EFCAB6: variants seen among roughly 807,000 people sequenced by gnomAD.
EFCAB6 encodes the protein EF-hand calcium-binding domain-containing protein 6.
A neutral mutation model predicts 169.8 loss-of-function variants in EFCAB6; 156 were observed. The ratio of observed to expected loss-of-function variants is 0.92; its 90% CI spans 0.81 to 1.05. The LOEUF (loss-of-function observed/expected upper bound fraction) is 1.05. Ranked by LOEUF, EFCAB6 falls within the 50% of genes least tolerant of loss-of-function variation. EFCAB6 has a pLI of 0.00. For missense variants in EFCAB6, 1,800 were observed against 1,829.1 expected (o/e 0.98, Z 0.29); for synonymous variants, 698 against 676.4 (o/e 1.03, Z -0.50).
Position 43,537,540 on chromosome 22 carries a change from T to A in EFCAB6, c.3885A>T (p.Pro1295=). ...GSKSQSHPCT[P]ASTTVIPGTP... is the part of the protein sequence containing the mutation. ...TGCCCGGGATCACGGTGGTGCTCGC[T>A]GGAGTCTAGCAGGGAAGAAAAGAAA... The change falls in exon 29 of 32, where the codon CCA becomes CCT. Residue 1295 remains proline (P), a synonymous_variant. Coordinates refer to ENST00000262726, the MANE Select transcript of EFCAB6 (RefSeq NM_022785.4). This position sits in a 1 kb window ranked among gnomAD's most constrained non-coding sequence, Gnocchi z 4.3. 1.2e-6 allele frequency: 2 copies of A among 1,613,048 alleles called. No homozygotes were observed. The highest frequency in any genetic ancestry group is 1.7e-6 in the Non-Finnish European group (2 of 1,179,356).
At position 43,795,393 on chromosome 22, in the gene EFCAB6, G is replaced by A. The variant is rs1046348629; in HGVS notation, c.-7-13068C>T. On this transcript the variant is annotated intron_variant, in intron 2 of 31. Coordinates refer to ENST00000262726, the MANE Select transcript of EFCAB6 (RefSeq NM_022785.4). The surrounding 1 kb of genome is among the most constrained non-coding windows in gnomAD (Gnocchi z 4.2). Reference sequence around the variant, plus strand: ...TTATGTTAAATGTTCTTTAATAACCGTGTCATGGCATGTTCTAGACATCAT... The same window carrying A: ...TTATGTTAAATGTTCTTTAATAACCATGTCATGGCATGTTCTAGACATCAT... Among the ~76,000 whole-genome samples, 1 of 152,104 alleles carries A rather than the reference G, an allele frequency of 6.6e-6. No homozygotes were observed. Among genetic ancestry groups the A allele is most frequent in the Non-Finnish European group, 1.5e-5 (1 of 68,004 alleles).
chr22:43,530,289 AT>A (rs2046981491), intron 31 of EFCAB6, among the ~76,000 whole-genome samples: 1 of 152,254 alleles, frequency 6.6e-6, no homozygotes, highest in African/African-American at 2.4e-5. Context: ...AGGAACGTGA[AT>A]GTGGATTGGA....
chr22:43,693,995 A>G (rs2058490861), intron 10 of EFCAB6, among the ~76,000 whole-genome samples: 1 of 152,026 alleles, frequency 6.6e-6, no homozygotes, highest in Non-Finnish European at 1.5e-5. Flanking sequence ...GAAGAGAAAA[A>G]TACTATCTGA....
At chr22:43,790,766 T>C (rs959847163) in intron 2 of EFCAB6, among the ~76,000 whole-genome samples, 1 of 152,192 alleles carries the variant, frequency 6.6e-6, no homozygotes, top group Non-Finnish European at 1.5e-5. Context: ...AGGGAGGAAA[T>C]GAAGACAGAA....
intron 4 of EFCAB6, among the ~76,000 whole-genome samples, chr22:43,770,294 C>T (rs772995041): frequency 6.6e-6 from 1 of 152,300 alleles, no homozygotes; most frequent in South Asian, 2.1e-4. Flanking sequence ...AACCACCACA[C>T]CTGACCTACT....
chr22:43,730,697 T>C (rs546470928), intron 8 of EFCAB6, among the ~76,000 whole-genome samples: 1 of 152,316 alleles, frequency 6.6e-6, no homozygotes, highest in East Asian at 1.9e-4. Flanking sequence ...CTTGGTTCGA[T>C]TGTTTACTTC....
intron 27 of EFCAB6, among the ~76,000 whole-genome samples, chr22:43,547,135 A>G (rs1199957365): frequency 1.3e-5 from 2 of 152,212 alleles, no homozygotes; most frequent in African/African-American, 4.8e-5. Flanking sequence ...AGATAGATCT[A>G]AAACAACAAA....
intron 12 of EFCAB6, among the ~76,000 whole-genome samples, chr22:43,680,599 T>C (rs1391214485): frequency 6.6e-6 from 1 of 152,260 alleles, no homozygotes; most frequent in Non-Finnish European, 1.5e-5. Context: ...GAATGTATTT[T>C]ATTTACATAT....
chr22:43,680,104 T>A (rs2057943506), intron 12 of EFCAB6, among the ~76,000 whole-genome samples: 1 of 152,184 alleles, frequency 6.6e-6, no homozygotes, highest in Non-Finnish European at 1.5e-5. Context: ...GTTTTATGAG[T>A]TTAGCTTTTA....
At chr22:43,800,964 T>C (rs1042270424) in intron 2 of EFCAB6, among the ~76,000 whole-genome samples, 9 of 151,952 alleles carry the variant, frequency 5.9e-5, no homozygotes, top group East Asian at 3.8e-4. Context: ...GAGAAAGATA[T>C]AAATATCCAG....
At chr22:43,567,142 A>ATCCTCCTCGTCCTCCCCCTCC (rs1602307039) in intron 26 of EFCAB6, among the ~76,000 whole-genome samples, 1 of 142,546 alleles carries the variant, frequency 7.0e-6, no homozygotes, top group East Asian at 2.0e-4. Context: ...CCTCCTCATC[A>ATCCTCCTCGTCCTCCCCCTCC]TCCTCCTCGT....
intron 23 of EFCAB6, among the ~76,000 whole-genome samples, chr22:43,598,034 G>A (rs2147492319): frequency 6.6e-6 from 1 of 152,250 alleles, no homozygotes; most frequent in Non-Finnish European, 1.5e-5. Context: ...GATCTCAGCT[G>A]GGCGCAGTGG....
intron 6 of EFCAB6, among the ~76,000 whole-genome samples, chr22:43,737,363 C>T (rs185218105): frequency 2.4e-4 from 37 of 151,580 alleles, no homozygotes; most frequent in African/African-American, 4.1e-4. Context: ...TGTACTCATA[C>T]GCACTCACAC....
chr22:43,566,031 A>T (rs758212520), intron 26 of EFCAB6, among the ~76,000 whole-genome samples: 1 of 152,114 alleles, frequency 6.6e-6, no homozygotes, highest in Non-Finnish European at 1.5e-5. Flanking sequence ...AAAAAGATAA[A>T]ACATTAAAAA....
intron 21 of EFCAB6, 94 bp downstream of exon 21, chr22:43,615,732 T>C: frequency 9.3e-7 from 1 of 1,079,990 alleles, no homozygotes; most frequent in South Asian, 1.5e-5. Flanking sequence ...TTTTCCCATC[T>C]TAGCGTCTGG....
chr22:43,553,134 T>C (rs2048479120), intron 27 of EFCAB6: 1 of 152,110 alleles, frequency 6.6e-6, no homozygotes, highest in Admixed American at 6.5e-5. Flanking sequence ...ACTGCGATGA[T>C]CACGCTTCCC....
At chr22:43,746,770 TA>T (rs1337603909) in intron 6 of EFCAB6, among the ~76,000 whole-genome samples, 7 of 151,602 alleles carry the variant, frequency 4.6e-5, no homozygotes, top group Non-Finnish European at 7.3e-5. Context: ...ATTAAAATTT[TA>T]AAAAGGGCTG....
chr22:43,685,605 C>T (rs949886984), intron 11 of EFCAB6, among the ~76,000 whole-genome samples: 2 of 152,160 alleles, frequency 1.3e-5, no homozygotes, highest in African/African-American at 4.8e-5. Context: ...TAAAATTTCT[C>T]AAGATCTTGG....
intron 24 of EFCAB6, among the ~76,000 whole-genome samples, chr22:43,585,016 A>C (rs149182484): frequency 1.8e-3 from 278 of 152,332 alleles, no homozygotes; most frequent in Non-Finnish European, 2.6e-3. Flanking sequence ...AAATCTCTAA[A>C]GGCTTATATA....
Sources: allele counts gnomAD v4.1 joint callset (sites outside exome capture counted in the v4.1 genomes callset), GRCh38; gene constraint gnomAD v4.1.1; non-coding constraint Gnocchi (gnomAD v3.1); transcripts MANE v1.5; gene names NCBI Gene and HGNC (gene_info 2026-07-23, HGNC 2026-07-21).